The following ERN2 variants were observed in gnomAD, a reference collection of about 807,000 sequenced individuals.
ERN2 encodes serine/threonine-protein kinase/endoribonuclease IRE2.
Under a neutral mutation model 107.9 loss-of-function variants are expected in ERN2, and 111 were observed. The observed-to-expected ratio is 1.03, with a 90% CI of 0.88 to 1.20. The LOEUF (loss-of-function observed/expected upper bound fraction) is 1.20. Ranked by LOEUF, ERN2 falls within the 50% of genes most tolerant of loss-of-function variation. The pLI, the probability that ERN2 is intolerant of heterozygous loss-of-function variation, is 0.00. For synonymous variants in ERN2, 524 were observed against 501.7 expected (o/e 1.04, Z -0.59); for missense variants, 1,225 against 1,197.9 (o/e 1.02, Z -0.33).
chr16:23,694,991 G>A (rs773467610), intron 16 of ERN2, 28 bp downstream of exon 16: 1 of 1,613,124 alleles, frequency 6.2e-7, no homozygotes, highest in East Asian at 2.2e-5. Flanking sequence ...TAAGGACAGG[G>A]AGCGGGAGGC....
At chr16:23,706,634 G>A (rs2141020231) in intron 6 of ERN2, 120 bp downstream of exon 6, 1 of 802,280 alleles carries the variant, frequency 1.2e-6, no homozygotes, top group East Asian at 2.4e-5. Context: ...TCTGTAGAAT[G>A]TTTGTTGATG....
intron 4 of ERN2, chr16:23,709,316 A>T (rs1030037857): frequency 1.5e-5 from 5 of 326,044 alleles, no homozygotes; most frequent in South Asian, 7.1e-5. Flanking sequence ...TGTTTAAATT[A>T]AAAAAAAGGA....
Position 23,706,193 on chromosome 16 carries a change from G to A in ERN2, c.589+137C>T, listed in dbSNP as rs1567252514. The A allele has an allele frequency of 4.9e-6, 3 of 606,424 alleles. No homozygotes were observed. In the East Asian group the frequency reaches 9.0e-5, roughly 18 times the overall value. 37.6% of individuals were successfully genotyped at this position (606,424 alleles called of 1,614,324 possible). A position where few individuals can be genotyped will look rare whatever the true frequency, so the allele number is the denominator to read the frequency against. ...TCACTTGGGGTCAGCCATCAGGGGT[G>A]TGCCATTTAGTATATGGGGTCCCTG... On this transcript the variant is annotated intron_variant, in intron 7 of 21. Coordinates refer to ENST00000256797, the MANE Select transcript of ERN2 (RefSeq NM_033266.4).
chr16:23,698,647 G>A lies in ERN2; in HGVS notation c.1525+1892C>T, dbSNP rs566684386. 3.6e-4 allele frequency among the ~76,000 whole-genome samples: 55 copies of A among 152,124 alleles called. 1 individual carries two copies. The highest frequency in any genetic ancestry group is 9.6e-4 in the African/African-American group (40 of 41,472). On this transcript the variant is annotated intron_variant, in intron 13 of 21. Coordinates refer to ENST00000256797, the MANE Select transcript of ERN2 (RefSeq NM_033266.4). ...GTTGCCCAGGCTGGAGTGCAGTGGC[G>A]CAATCTTGGCTCATTGCAACCTCTG...
chr16:23,700,372 T>C (rs1354201879), intron 13 of ERN2, among the ~76,000 whole-genome samples, 167 bp downstream of exon 13: 1 of 152,130 alleles, frequency 6.6e-6, no homozygotes, highest in East Asian at 1.9e-4. Flanking sequence ...CAGCAGACAC[T>C]CCTAGAGTGC....
intron 13 of ERN2, among the ~76,000 whole-genome samples, chr16:23,698,445 T>C (rs182992983): frequency 2.0e-5 from 3 of 152,356 alleles, no homozygotes; most frequent in African/African-American, 4.8e-5. Flanking sequence ...GTAAGCGCTA[T>C]AGAAATGTTA....
rs2141024722 is a variant in ERN2, at chr16:23,710,328, G to A, written c.234-84C>T. ...GCCCCAAATTCCTTCCAATTTCTCA[G>A]CTACTAGGAGCCTGTTCTTGTAGGA... On this transcript the variant is annotated intron_variant, in intron 3 of 21. Transcript: ENST00000256797. 2.3e-6 allele frequency: 3 copies of A among 1,281,436 alleles called. No individual in the cohort carries two copies. The East Asian group carries it at 6.9e-5, about 30-fold the overall frequency. The allele number at this position is 1,281,436 out of a possible 1,614,324, so 79.4% of individuals were successfully genotyped here. A position where few individuals can be genotyped will look rare whatever the true frequency, so the allele number is the denominator to read the frequency against.
chr16:23,704,504 C>A (rs979928388), intron 8 of ERN2, among the ~76,000 whole-genome samples: 3 of 152,220 alleles, frequency 2.0e-5, no homozygotes, highest in Non-Finnish European at 2.9e-5. Context: ...TTCCTGCTTG[C>A]TTTCTGCCAT....
rs763180083 is a variant in ERN2 at position 23,695,929 on chromosome 16, C to T, written c.1575G>A (p.Val525=). The part of the protein sequence containing the change: ...VGKISFNPKD[V]LGRGAGGTFV... ...AAGTCCCGCCTGCCCCGCGGCCCAG[C>T]ACGTCCTTGGGATTGAAGGAAATCT... The change falls in exon 14 of 22, where the codon GTG becomes GTA. Residue 525 remains valine, a synonymous_variant. Coordinates refer to ENST00000256797, the MANE Select transcript of ERN2 (RefSeq NM_033266.4). 25 of 1,614,076 alleles carry T rather than the reference C, an allele frequency of 1.5e-5. No individual in the cohort carries two copies. The highest frequency in any genetic ancestry group is 1.9e-5 in the Non-Finnish European group (23 of 1,180,036).
chr16:23,707,385 C>T, intron 4 of ERN2: 1 of 383,504 alleles, frequency 2.6e-6, no homozygotes, highest in South Asian at 2.3e-5. Context: ...ATCATGTGAG[C>T]CACTTGCTCT....
chr16:23,702,453 G>A lies in ERN2; in HGVS notation c.1018C>T (p.Pro340Ser), dbSNP rs1375110751. The stretch of plus-strand genomic sequence containing the variant: ...GAGGGGTATCTAACAGCAGTGCTGG[G>A]TGAGCCCTCTCGCTCTCCTGAGACT... ...LQVSGEREGS[P>S]STAVRYPSGS... The change falls in exon 10 of 22, where the codon CCC (proline) becomes TCC (serine). Residue 340 changes from proline (P) to serine (S), a missense_variant. By Grantham distance (74) the Pro-to-Ser change is moderately conservative. Transcript: ENST00000256797. The A allele has an allele frequency of 2.5e-6, 4 of 1,613,440 alleles. No individual in the cohort carries two copies. The highest frequency in any genetic ancestry group is 2.7e-5 in the African/African-American group (2 of 74,938).
rs373879215 is a variant in ERN2 at position 23,710,902 on chromosome 16, C to T, written c.199+11G>A. The T allele has an allele frequency of 1.1e-5, 18 of 1,595,162 alleles. No homozygotes were observed. In the African/African-American group the frequency reaches 1.9e-4, roughly 17 times the overall value. Reference sequence around the variant, plus strand: ...GGCCCAAGGAGGGAGGAGGGACCACCTCTTGCTCACCATCCCTCAGAGTCC... The same window carrying T: ...GGCCCAAGGAGGGAGGAGGGACCACTTCTTGCTCACCATCCCTCAGAGTCC... On this transcript the variant is annotated intron_variant, in intron 2 of 21. Transcript: ENST00000256797.
intron 17 of ERN2, among the ~76,000 whole-genome samples, chr16:23,693,799 T>C (rs1959694216): frequency 6.6e-6 from 1 of 152,120 alleles, no homozygotes; most frequent in South Asian, 2.1e-4. Context: ...ACACTGTGAC[T>C]CAAAATCCGT....
Position 23,713,180 on chromosome 16 carries a change from C to T in ERN2, c.8G>A (p.Ser3Asn), listed in dbSNP as rs776135123. Residue 3 changes from serine (S) to asparagine (N), a missense_variant, in exon 1 of 22, where the codon AGT (serine) becomes AAT (asparagine). Physicochemically the swap from Ser to Asn is conservative, Grantham distance 46. Transcript: ENST00000256797. Reference sequence around the variant, plus strand: ...CCACGGCCTCGACCCCCTGACCGCACTCGCCATAGCGCCTGGGCAGCTGCA... The same window carrying T: ...CCACGGCCTCGACCCCCTGACCGCATTCGCCATAGCGCCTGGGCAGCTGCA... MA[S>N]AVRGSRPWPR... The T allele has an allele frequency of 6.3e-7, 1 of 1,577,618 alleles. No individual in the cohort carries two copies. Among genetic ancestry groups the T allele is most frequent in the Non-Finnish European group, 8.6e-7 (1 of 1,168,204 alleles).
intron 8 of ERN2, among the ~76,000 whole-genome samples, chr16:23,702,987 A>G (rs1960151533): frequency 6.6e-6 from 1 of 152,024 alleles, no homozygotes; most frequent in African/African-American, 2.4e-5. Context: ...AATCCCCCAT[A>G]GGTCAAACAG....
intron 2 of ERN2, among the ~76,000 whole-genome samples, 172 bp from the exon 3 acceptor site, chr16:23,710,721 T>C (rs3899652): frequency 0.7 from 106,656 of 152,178 alleles, 38,816 homozygotes; most frequent in African/African-American, 0.89. Context: ...CCCCATTTTA[T>C]AGATGAGGAT....
At chr16:23,710,670 C>A in intron 2 of ERN2, 121 bp from the exon 3 acceptor site, 1 of 1,175,900 alleles carries the variant, frequency 8.5e-7, no homozygotes, top group Non-Finnish European at 1.3e-6. Flanking sequence ...AATGTAATGC[C>A]ATCTTCCCAA....
rs1555466492 is a variant in ERN2, at chr16:23,693,601, A to AAAAT, written c.2100+1126_2100+1127insATTT. The stretch of plus-strand genomic sequence containing the variant: ...CGAAACTCCATCTCAAAAAAAAAAA[A>AAAAT]ATATATATATATATAGGCCACTAAT... On this transcript the variant is annotated intron_variant, in intron 17 of 21. Coordinates refer to ENST00000256797, the MANE Select transcript of ERN2 (RefSeq NM_033266.4). Among the ~76,000 whole-genome samples the AAAAT allele has an allele frequency of 1.3e-3, 186 of 147,776 alleles. 1 individual carries two copies. Among genetic ancestry groups the AAAAT allele is most frequent in the African/African-American group, 4.3e-3 (171 of 39,968 alleles).
intron 8 of ERN2, 43 bp from the exon 9 acceptor site, chr16:23,702,745 G>A (rs534528952): frequency 2.0e-6 from 3 of 1,528,750 alleles, no homozygotes; most frequent in Admixed American, 1.7e-5. Flanking sequence ...GAATGCTGGT[G>A]ATGGGTAGTT....
Sources: allele counts gnomAD v4.1 joint callset (sites outside exome capture counted in the v4.1 genomes callset), GRCh38; gene constraint gnomAD v4.1.1; transcripts MANE v1.5; gene names NCBI Gene and HGNC (gene_info 2026-07-23, HGNC 2026-07-21).